FTCDNL1: variants seen among roughly 807,000 people sequenced by gnomAD.
FTCDNL1 encodes the protein formiminotransferase cyclodeaminase N-terminal like, also known as formiminotransferase N-terminal subdomain-containing protein.
Under a neutral mutation model 5.9 loss-of-function variants are expected in FTCDNL1, and 11 were observed. That is an observed-to-expected ratio of 1.87 (90% confidence interval 1.18 to 3.10). The LOEUF (loss-of-function observed/expected upper bound fraction) is 3.10, where lower values mean the gene tolerates loss of function less well. FTCDNL1 is among the 30% of genes most tolerant of loss of function. FTCDNL1 has a pLI of 0.00. For missense variants in FTCDNL1, 115 were observed against 65.5 expected (o/e 1.76, Z -2.61); for synonymous variants, 58 against 24.8 (o/e 2.34, Z -3.99).
At chr2:199,665,223 G>T in the FTCDNL1 span, among the ~76,000 whole-genome samples, 1 of 152,144 alleles carries the variant, frequency 6.6e-6, no homozygotes, top group South Asian at 2.1e-4. Context: ...CATGGGATGG[G>T]ATCAAGATAC....
chr2:199,804,016 A>C (rs756997762), intron 3 of FTCDNL1, among the ~76,000 whole-genome samples: 27 of 152,354 alleles, frequency 1.8e-4, no homozygotes, highest in Admixed American at 1.7e-3. Context: ...TTGCTATTTT[A>C]TCTTCCTTTT....
At chr2:199,726,622 CTGTT>C in the FTCDNL1 span, among the ~76,000 whole-genome samples, 21 of 152,062 alleles carry the variant, frequency 1.4e-4, no homozygotes, top group South Asian at 6.2e-4. Flanking sequence ...TTGTTGCTTT[CTGTT>C]TGTTTGTTTT....
At chr2:199,742,564 T>C in the FTCDNL1 span, among the ~76,000 whole-genome samples, 1 of 152,236 alleles carries the variant, frequency 6.6e-6, no homozygotes, top group African/African-American at 2.4e-5. Context: ...CTCATAGTTA[T>C]TGTGTGTTAA....
At chr2:199,849,490 C>A (rs2076819176) in intron 1 of FTCDNL1, among the ~76,000 whole-genome samples, 1 of 152,098 alleles carries the variant, frequency 6.6e-6, no homozygotes. Flanking sequence ...ATAAGGAAGC[C>A]ATTTGGATGG....
chr2:199,784,799 G>A (rs1699551464), intron 3 of FTCDNL1, among the ~76,000 whole-genome samples: 1 of 152,144 alleles, frequency 6.6e-6, no homozygotes, highest in African/African-American at 2.4e-5. Context: ...AAACTCATCT[G>A]TGAGTTATCA....
At chr2:199,685,214 A>G in the FTCDNL1 span, among the ~76,000 whole-genome samples, 484 of 152,246 alleles carry the variant, frequency 3.2e-3, 6 homozygotes, top group African/African-American at 0.011. Context: ...AACCTCTGAG[A>G]CAAGGGGAAA....
chr2:199,727,779 T>C, the FTCDNL1 span, among the ~76,000 whole-genome samples: 1 of 152,132 alleles, frequency 6.6e-6, no homozygotes, highest in Non-Finnish European at 1.5e-5. Context: ...AAATAATCAC[T>C]CTTAAAGGGC....
chr2:199,683,170 A>T, the FTCDNL1 span, among the ~76,000 whole-genome samples: 1 of 152,204 alleles, frequency 6.6e-6, no homozygotes, highest in East Asian at 1.9e-4. Context: ...AAGAAGAATG[A>T]TCTTCCAGTT....
At chr2:199,718,282 C>A in the FTCDNL1 span, among the ~76,000 whole-genome samples, 1 of 152,144 alleles carries the variant, frequency 6.6e-6, no homozygotes, top group African/African-American at 2.4e-5. Flanking sequence ...TGTGTTCCCA[C>A]TGTTTACCTT....
chr2:199,676,273 C>T, the FTCDNL1 span, among the ~76,000 whole-genome samples: 1 of 152,118 alleles, frequency 6.6e-6, no homozygotes, highest in African/African-American at 2.4e-5. Context: ...CCAGACCTTG[C>T]TGGTCAGTGA....
rs901299393 is a variant in FTCDNL1, at chr2:199,848,787, C to T, written c.115+61G>A. ...TTCTGTAGATACAGTGTGCACAGTA[C>T]AAAAATTACTAAATTATCAAAACAC... On this transcript the variant is annotated intron_variant, in intron 2 of 4. Coordinates refer to ENST00000420128, the MANE Select transcript of FTCDNL1 (RefSeq NM_001363886.2). 1.9e-5 allele frequency: 13 copies of T among 691,816 alleles called. No individual in the cohort carries two copies. The African/African-American group carries it at 2.1e-4, about 11-fold the overall frequency. 42.9% of individuals were successfully genotyped at this position (691,816 alleles called of 1,614,324 possible).
At chr2:199,806,410 C>G (rs962171229), downstream of FTCDNL1, among the ~76,000 whole-genome samples, 4 of 152,090 alleles carry the variant, frequency 2.6e-5, no homozygotes, top group African/African-American at 9.7e-5. Flanking sequence ...GAGCACGTAC[C>G]CTGTCAGTGA....
At chr2:199,705,098 G>A in the FTCDNL1 span, among the ~76,000 whole-genome samples, 1 of 152,176 alleles carries the variant, frequency 6.6e-6, no homozygotes, top group African/African-American at 2.4e-5. Flanking sequence ...ACACAAGGGA[G>A]ATGGACATGG....
chr2:199,677,406 A>G, the FTCDNL1 span, among the ~76,000 whole-genome samples: 1 of 152,184 alleles, frequency 6.6e-6, no homozygotes, highest in Non-Finnish European at 1.5e-5. Flanking sequence ...GGGACTACAG[A>G]AAAAAGTGAT....
downstream of FTCDNL1, among the ~76,000 whole-genome samples, chr2:199,759,640 C>T (rs1051280731): frequency 2.0e-5 from 3 of 152,092 alleles, no homozygotes; most frequent in African/African-American, 7.2e-5. Context: ...TGTATTTGTC[C>T]TTTGAAGAAA....
intron 3 of FTCDNL1, among the ~76,000 whole-genome samples, chr2:199,768,267 C>T (rs931567332): frequency 1.6e-4 from 25 of 151,664 alleles, no homozygotes; most frequent in South Asian, 8.4e-4. Context: ...ATTTGCATGC[C>T]AAAAAATTCT....
the FTCDNL1 span, among the ~76,000 whole-genome samples, chr2:199,751,672 A>C: frequency 6.6e-6 from 1 of 151,338 alleles, no homozygotes; most frequent in Non-Finnish European, 1.5e-5. Flanking sequence ...GCATGCTAAC[A>C]TCACCCCACC....
chr2:199,727,324 T>C, the FTCDNL1 span, among the ~76,000 whole-genome samples: 1 of 152,160 alleles, frequency 6.6e-6, no homozygotes, highest in Non-Finnish European at 1.5e-5. Flanking sequence ...AACTTGATCA[T>C]CTTAGGCAGT....
the FTCDNL1 span, among the ~76,000 whole-genome samples, chr2:199,708,101 G>GT: frequency 3.2e-3 from 306 of 96,928 alleles, no homozygotes; most frequent in Middle Eastern, 5.3e-3. Context: ...GAGATTCTGA[G>GT]TTTTTTTTCT....
Sources: gnomAD v4.1 joint callset for allele counts (sites outside exome capture counted in the v4.1 genomes callset) on GRCh38, gnomAD v4.1.1 for gene constraint, MANE v1.5 for transcripts, NCBI Gene and HGNC (gene_info 2026-07-23, HGNC 2026-07-21) for gene names.